ABCA3: variants seen among roughly 807,000 people sequenced by gnomAD.
The protein encoded by ABCA3 is phospholipid-transporting ATPase ABCA3.
ABCA3 carries 88 observed loss-of-function variants against 172.8 expected under a neutral mutation model. The observed-to-expected ratio is 0.51, with a 90% CI of 0.43 to 0.61. The LOEUF is 0.61. Ranked by LOEUF, ABCA3 falls within the 20% of genes least tolerant of loss-of-function variation. The probability of loss-of-function intolerance (pLI) is 0.00; values close to 1 mark genes in which losing one functional copy is unlikely to be tolerated. For missense variants in ABCA3, 2,164 were observed against 2,301.0 expected, an observed-to-expected ratio of 0.94 and a Z score of 1.22; for synonymous variants, 1,066 against 983.8, an observed-to-expected ratio of 1.08 and a Z score of -1.56.
chr16:2,289,684 A>G, intron 19 of ABCA3, 64 bp from the exon 20 acceptor site: 1 of 1,520,750 alleles, frequency 6.6e-7, no homozygotes, highest in Non-Finnish European at 8.8e-7. Flanking sequence ...GGGAGGGACT[A>G]TGGTTAGAGG....
intron 18 of ABCA3, among the ~76,000 whole-genome samples, chr16:2,294,253 C>T (rs1008735290): frequency 4.0e-5 from 6 of 151,748 alleles, no homozygotes; most frequent in African/African-American, 7.3e-5. Flanking sequence ...GTCTCGATCT[C>T]CTGACCTCAT....
chr16:2,318,740 T>C (rs1232136126), intron 8 of ABCA3, among the ~76,000 whole-genome samples: 1 of 152,118 alleles, frequency 6.6e-6, no homozygotes, highest in Non-Finnish European at 1.5e-5. Flanking sequence ...CTTGAACTCC[T>C]CACCTCAAGT....
intron 20 of ABCA3, 47 bp downstream of exon 20, chr16:2,289,387 G>A (rs373341796): frequency 9.1e-6 from 14 of 1,542,686 alleles, no homozygotes; most frequent in East Asian, 7.1e-5. Flanking sequence ...GCGTTTGGGG[G>A]CTGCTCGCCC....
intron 10 of ABCA3, among the ~76,000 whole-genome samples, chr16:2,312,202 A>G (rs1382298784): frequency 6.6e-6 from 1 of 152,210 alleles, no homozygotes; most frequent in Non-Finnish European, 1.5e-5. Context: ...TTGATGTCAG[A>G]AACTACCAGT....
Position 2,283,238 on chromosome 16 carries a change from A to C in ABCA3, c.3983T>G (p.Leu1328Arg). Reference protein sequence around the residue: ...LILLFLIETNLLQRLRGILCA... With the variant: ...LILLFLIETNRLQRLRGILCA... ...GAGGATGCCCCTGAGTCTCTGAAGC[A>C]GGTTGGTCTCGATGAGGAAGAGCAG... Residue 1328 changes from leucine (L) to arginine (R), a missense_variant, in exon 26 of 33, where the codon CTG becomes CGG. Leu to Arg is a moderately radical substitution (Grantham distance 102). Coordinates refer to ENST00000301732, the MANE Select transcript of ABCA3 (RefSeq NM_001089.3). This position sits in a 1 kb window ranked among gnomAD's most constrained non-coding sequence, Gnocchi z 5.4. The C allele has an allele frequency of 6.2e-7, 1 of 1,613,426 alleles. No individual in the cohort carries two copies. The highest frequency in any genetic ancestry group is 8.5e-7 in the Non-Finnish European group (1 of 1,179,976).
Position 2,281,570 on chromosome 16 carries a change from A to G in ABCA3, c.4036-61T>C. ...CAGCCGCAGGGCGGCTTCCGTGGAG[A>G]AGGGAGGGGCGGGGGTGGATGTGGG... On this transcript the variant is annotated intron_variant, in intron 26 of 32. Coordinates refer to ENST00000301732, the MANE Select transcript of ABCA3 (RefSeq NM_001089.3). This position sits in a 1 kb window ranked among gnomAD's most constrained non-coding sequence, Gnocchi z 4.7. 1 of 559,796 alleles carries G rather than the reference A, an allele frequency of 1.8e-6. No individual in the cohort carries two copies. The highest frequency in any genetic ancestry group is 1.4e-5 in the South Asian group (1 of 70,980). 34.7% of individuals were successfully genotyped at this position (559,796 alleles called of 1,614,324 possible).
chr16:2,310,674 G>C (rs981768485), intron 10 of ABCA3, among the ~76,000 whole-genome samples: 3 of 151,430 alleles, frequency 2.0e-5, no homozygotes, highest in Non-Finnish European at 1.5e-5. Context: ...GCACCACCGG[G>C]CCAGGCTAAT....
chr16:2,304,229 G>A, intron 11 of ABCA3, 79 bp from the exon 12 acceptor site: 15 of 1,506,400 alleles, frequency 1.0e-5, no homozygotes, highest in South Asian at 3.4e-5. Context: ...GATGGCACAC[G>A]TGTGCACATT....
At position 2,325,947 on chromosome 16, in the gene ABCA3, C is replaced by T. The variant is rs2093733509; in HGVS notation, c.319+63G>A. ...GCTTCGCACATCCTGGGCTCGACCC[C>T]TGCCTGCCCAGCCGCGTGGAGGCAC... On this transcript the variant is annotated intron_variant, in intron 5 of 32. Coordinates refer to ENST00000301732, the MANE Select transcript of ABCA3 (RefSeq NM_001089.3). The T allele has an allele frequency of 2.5e-6, 4 of 1,605,824 alleles. No homozygotes were observed. The Admixed American group carries it at 6.7e-5, about 27-fold the overall frequency.
chr16:2,278,089 T>G lies in ABCA3; in HGVS notation c.4719-20A>C. 1 of 1,613,114 alleles carries G rather than the reference T, an allele frequency of 6.2e-7. No homozygotes were observed. The highest frequency in any genetic ancestry group is 8.5e-7 in the Non-Finnish European group (1 of 1,179,952). ...TCCATGCTGTGGAGAGGGCGGGACC[T>G]CAGATAGGGCTTGGGGTGCCAAAGG... On this transcript the variant is annotated intron_variant, in intron 30 of 32. Coordinates refer to ENST00000301732, the MANE Select transcript of ABCA3 (RefSeq NM_001089.3). The surrounding 1 kb of genome is among the most constrained non-coding windows in gnomAD (Gnocchi z 4.4).
intron 14 of ABCA3, 132 bp from the exon 15 acceptor site, chr16:2,298,672 C>T: frequency 9.0e-7 from 1 of 1,113,402 alleles, no homozygotes; most frequent in Non-Finnish European, 1.3e-6. Context: ...GGGCACGGAA[C>T]CCCACTCCCA....
In ABCA3 at chr16:2,297,506, C is replaced by T. The variant is rs193920904; in HGVS notation, c.2086G>A (p.Asp696Asn). Reference protein sequence around the residue: ...LILDEPTSGMDAISRRAIWDL... With the variant: ...LILDEPTSGMNAISRRAIWDL... ...CAGATGGCCCTCCTGGAGATGGCGT[C>T]CATGCCCGAGGTGGGCTCGTCCAGT... The change falls in exon 17 of 33, where the codon GAC becomes AAC. Residue 696 changes from aspartate to asparagine, a missense_variant. Coordinates refer to ENST00000301732, the MANE Select transcript of ABCA3 (RefSeq NM_001089.3). The surrounding 1 kb of genome is among the most constrained non-coding windows in gnomAD (Gnocchi z 5.6). The T allele has an allele frequency of 1.2e-6, 2 of 1,613,252 alleles. No homozygotes were observed. The highest frequency in any genetic ancestry group is 1.7e-6 in the Non-Finnish European group (2 of 1,180,010).
chr16:2,307,807 T>G (rs1305433896), intron 11 of ABCA3, among the ~76,000 whole-genome samples: 1 of 152,038 alleles, frequency 6.6e-6, no homozygotes, highest in Non-Finnish European at 1.5e-5. Flanking sequence ...GGGTTTCACC[T>G]TGTTAGCCAG....
intron 11 of ABCA3, 68 bp from the exon 12 acceptor site, chr16:2,304,218 T>C: frequency 6.4e-7 from 1 of 1,558,526 alleles, no homozygotes. Flanking sequence ...CCGAAGCCCC[T>C]GATGGCACAC....
chr16:2,285,257 G>A lies in ABCA3; in HGVS notation c.3483+185C>T, dbSNP rs2093661116. On this transcript the variant is annotated intron_variant, in intron 23 of 32. Transcript: ENST00000301732. This position sits in a 1 kb window ranked among gnomAD's most constrained non-coding sequence, Gnocchi z 4.7. Reference sequence around the variant, plus strand: ...TCCGGGTGCTGCCCATGCATGGAGGGTAAAGGCTGAGGGTGCAGGGAGGAG... The same window carrying A: ...TCCGGGTGCTGCCCATGCATGGAGGATAAAGGCTGAGGGTGCAGGGAGGAG... Among the ~76,000 whole-genome samples, 1 of 152,206 alleles carries A rather than the reference G, an allele frequency of 6.6e-6. No individual in the cohort carries two copies. Among genetic ancestry groups the A allele is most frequent in the Non-Finnish European group, 1.5e-5 (1 of 68,020 alleles).
rs891369706 is a variant in ABCA3 at position 2,276,545 on chromosome 16, A to AT, written c.*128dup. ...GTCCATTCTGTGCATACTGCCTTGA[A>AT]TTTTTCATATCCATCATAGAAAAAA... On this transcript the variant is annotated 3_prime_UTR_variant, in exon 33 of 33. Transcript: ENST00000301732. 1.4e-6 allele frequency: 2 copies of AT among 1,470,682 alleles called. No individual in the cohort carries two copies. Among genetic ancestry groups the AT allele is most frequent in the African/African-American group, 2.8e-5 (2 of 71,324 alleles). The allele number at this position is 1,470,682 out of a possible 1,614,324, so 91.1% of individuals were successfully genotyped here. A position where few individuals can be genotyped will look rare whatever the true frequency, so the allele number is the denominator to read the frequency against.
chr16:2,340,006 G>A (rs542454621), intron 1 of ABCA3, among the ~76,000 whole-genome samples: 16 of 152,358 alleles, frequency 1.1e-4, no homozygotes, highest in African/African-American at 3.8e-4. Context: ...AGTGGAGGGC[G>A]CAGCAAACGC....
chr16:2,282,909 G>C (rs544301610), intron 26 of ABCA3, among the ~76,000 whole-genome samples: 14 of 152,238 alleles, frequency 9.2e-5, no homozygotes, highest in Admixed American at 8.5e-4. Flanking sequence ...CAGGCACTGG[G>C]TGTCCCTGGG....
At chr16:2,292,083 A>G in intron 19 of ABCA3, 57 bp downstream of exon 19, 1 of 1,419,686 alleles carries the variant, frequency 7.0e-7, no homozygotes, top group South Asian at 1.2e-5. Flanking sequence ...CAAAAAAAAA[A>G]AGTCCTCTGC....
Sources: allele counts gnomAD v4.1 joint callset (sites outside exome capture counted in the v4.1 genomes callset), GRCh38; gene constraint gnomAD v4.1.1; non-coding constraint Gnocchi (gnomAD v3.1); transcripts MANE v1.5; gene names NCBI Gene and HGNC (gene_info 2026-07-23, HGNC 2026-07-21).